RORA: variants seen among roughly 807,000 people sequenced by gnomAD.
RORA encodes the protein RAR related orphan receptor A, also known as nuclear receptor ROR-alpha.
In RORA, 7 loss-of-function variants were observed where a neutral mutation model predicts 69.5. The observed-to-expected ratio is 0.10, with a 90% CI of 0.06 to 0.19. The LOEUF (loss-of-function observed/expected upper bound fraction) is 0.19, where lower values mean the gene tolerates loss of function less well. Among genes scored for constraint, RORA ranks in the 10% least tolerant of loss-of-function variants. The pLI is 1.00. For missense variants in RORA, 457 were observed against 663.0 expected (o/e 0.69, Z 3.41); for synonymous variants, 261 against 240.8 (o/e 1.08, Z -0.78).
intron 2 of RORA, among the ~76,000 whole-genome samples, chr15:60,632,937 A>T (rs960411637): frequency 6.6e-6 from 1 of 152,318 alleles, no homozygotes; most frequent in South Asian, 2.1e-4. Flanking sequence ...GCCAAGTTTA[A>T]ATTTGATCAA....
intron 2 of RORA, among the ~76,000 whole-genome samples, chr15:60,552,049 G>A (rs550882066): frequency 5.9e-5 from 9 of 152,316 alleles, no homozygotes; most frequent in South Asian, 2.1e-4. Context: ...AGGATCCTTC[G>A]TGGTTCACAG....
intron 1 of RORA, among the ~76,000 whole-genome samples, chr15:60,914,682 T>C (rs1891818941): frequency 6.6e-6 from 1 of 152,172 alleles, no homozygotes; most frequent in African/African-American, 2.4e-5. Context: ...CTATTGAACA[T>C]CTCACTTGAC....
At chr15:60,830,165 T>A in intron 1 of RORA, among the ~76,000 whole-genome samples, 1 of 152,206 alleles carries the variant, frequency 6.6e-6, no homozygotes, top group East Asian at 1.9e-4. Context: ...GCTTATTCTT[T>A]TTAAAAATAA....
chr15:61,170,911 G>T (rs2079579456), intron 1 of RORA, among the ~76,000 whole-genome samples: 1 of 152,018 alleles, frequency 6.6e-6, no homozygotes. Context: ...ATGTTTACTG[G>T]GCACCCTCTA....
chr15:61,027,226 T>C (rs1566950109), intron 1 of RORA, among the ~76,000 whole-genome samples: 1 of 152,194 alleles, frequency 6.6e-6, no homozygotes, highest in Admixed American at 6.5e-5. Context: ...GAGGACTATT[T>C]AAGGTGCGAA....
chr15:61,003,035 T>C (rs1253599285), intron 1 of RORA, among the ~76,000 whole-genome samples: 2 of 146,806 alleles, frequency 1.4e-5, no homozygotes, highest in Non-Finnish European at 3.0e-5. Context: ...TCCCAGCTAC[T>C]CGGGAGGCTG....
intron 2 of RORA, among the ~76,000 whole-genome samples, chr15:60,636,182 C>A (rs150201728): frequency 2.6e-5 from 4 of 152,262 alleles, no homozygotes; most frequent in African/African-American, 9.6e-5. Context: ...CCACTTCTTC[C>A]CTTTCCTGAA....
chr15:61,221,517 T>C (rs2080096245), intron 1 of RORA, among the ~76,000 whole-genome samples: 1 of 152,184 alleles, frequency 6.6e-6, no homozygotes, highest in Non-Finnish European at 1.5e-5. Flanking sequence ...CCGTTTACTT[T>C]CCCCCATTAA....
chr15:61,222,357 A>G (rs2080105827), intron 1 of RORA, among the ~76,000 whole-genome samples: 1 of 152,222 alleles, frequency 6.6e-6, no homozygotes, highest in Non-Finnish European at 1.5e-5. Flanking sequence ...AGGCCATACA[A>G]ATATGTTAGG....
chr15:61,113,771 T>C (rs778225875), intron 1 of RORA, among the ~76,000 whole-genome samples: 13 of 152,224 alleles, frequency 8.5e-5, no homozygotes, highest in Non-Finnish European at 1.6e-4. Context: ...CACATTTGGT[T>C]TGGTCTGCTT....
intron 1 of RORA, among the ~76,000 whole-genome samples, chr15:60,702,403 T>G (rs551495367): frequency 1.1e-4 from 16 of 152,012 alleles, no homozygotes; most frequent in South Asian, 2.1e-4. Flanking sequence ...GGCTAATTTT[T>G]GTATTTTCAG....
chr15:60,898,712 G>C lies in RORA; in HGVS notation c.167-220026C>G, dbSNP rs575068842. On this transcript the variant is annotated intron_variant, in intron 1 of 10. Transcript: ENST00000335670. ...ACTCTAACTCTTAAAAAAAAAGAGA[G>C]AAATGGAGGCAGGAAAGGCAGAACT... 2.6e-5 allele frequency among the ~76,000 whole-genome samples: 4 copies of C among 152,026 alleles called. No individual in the cohort carries two copies. The South Asian group carries it at 8.3e-4, about 32-fold the overall frequency.
chr15:61,183,145 C>T (rs2079703859), intron 1 of RORA: 1 of 152,256 alleles, frequency 6.6e-6, no homozygotes. Context: ...ACCATGGTTA[C>T]AGAGGTTAAC....
intron 1 of RORA, among the ~76,000 whole-genome samples, chr15:61,194,577 C>A (rs1454362514): frequency 2.6e-5 from 4 of 151,760 alleles, no homozygotes; most frequent in Non-Finnish European, 5.9e-5. Flanking sequence ...TTCCTCACTT[C>A]GACCATATTG....
intron 2 of RORA, among the ~76,000 whole-genome samples, chr15:60,563,277 C>CTT (rs1292925395): frequency 6.6e-6 from 1 of 152,208 alleles, no homozygotes; most frequent in African/African-American, 2.4e-5. Context: ...ACTGCTCAGC[C>CTT]TTTTATACCT....
At chr15:61,200,296 C>T (rs2079883453) in intron 1 of RORA, among the ~76,000 whole-genome samples, 1 of 152,158 alleles carries the variant, frequency 6.6e-6, no homozygotes, top group African/African-American at 2.4e-5. Flanking sequence ...CACTGAGAAG[C>T]TCTCGCTCCT....
chr15:61,045,278 G>A lies in RORA; in HGVS notation c.166+183775C>T, dbSNP rs144523878. 1.1e-3 allele frequency among the ~76,000 whole-genome samples: 167 copies of A among 152,204 alleles called. 2 individuals carry two copies. The East Asian group carries it at 0.017, about 16-fold the overall frequency. The stretch of plus-strand genomic sequence containing the variant: ...GTTCCCCTGCATATGCTTGCCTGCC[G>A]CCATGTAAGATGTGACTTTGCTCCT... On this transcript the variant is annotated intron_variant, in intron 1 of 10. Coordinates refer to ENST00000335670, the MANE Select transcript of RORA (RefSeq NM_134261.3).
chr15:60,612,659 C>CT (rs1567123636), intron 2 of RORA, among the ~76,000 whole-genome samples: 1 of 117,324 alleles, frequency 8.5e-6, no homozygotes, highest in Non-Finnish European at 1.7e-5. Context: ...CTCTCTCTCT[C>CT]TGTTTTTTTT....
chr15:60,909,696 G>A (rs920375574), intron 1 of RORA, among the ~76,000 whole-genome samples: 2 of 152,206 alleles, frequency 1.3e-5, no homozygotes, highest in African/African-American at 4.8e-5. Context: ...GTCACATTAG[G>A]GGACAGAACA....
Sources: allele counts gnomAD v4.1 joint callset (sites outside exome capture counted in the v4.1 genomes callset), GRCh38; gene constraint gnomAD v4.1.1; transcripts MANE v1.5; gene names NCBI Gene and HGNC (gene_info 2026-07-23, HGNC 2026-07-21).